The following AFF3 variants were observed in gnomAD, a reference collection of about 807,000 sequenced individuals.
AFF3 encodes AF4/FMR2 family member 3.
Under a neutral mutation model 129.7 loss-of-function variants are expected in AFF3, and 32 were observed. That is an observed-to-expected ratio of 0.25 (90% confidence interval 0.19 to 0.33). AFF3 has a LOEUF of 0.33. AFF3 is among the 10% of genes least tolerant of loss of function. The pLI is 1.00. For synonymous variants in AFF3, 644 were observed against 635.4 expected (o/e 1.01, Z -0.20); for missense variants, 1,373 against 1,592.0 (o/e 0.86, Z 2.34).
chr2:99,869,842 T>A (rs1691736227), intron 7 of AFF3, among the ~76,000 whole-genome samples: 1 of 152,144 alleles, frequency 6.6e-6, no homozygotes, highest in African/African-American at 2.4e-5. Flanking sequence ...ATCCTGCTCT[T>A]CTCTGGGAGC....
chr2:99,610,985 C>T (rs953382181), intron 13 of AFF3, among the ~76,000 whole-genome samples: 33 of 152,186 alleles, frequency 2.2e-4, no homozygotes, highest in African/African-American at 7.7e-4. Flanking sequence ...TTCTCTACCC[C>T]CCAGTCTGTT....
intron 14 of AFF3, among the ~76,000 whole-genome samples, chr2:99,596,023 G>A (rs1193310288): frequency 2.6e-5 from 4 of 152,222 alleles, no homozygotes; most frequent in South Asian, 2.1e-4. Flanking sequence ...GTGAGGATGC[G>A]GAAGCCCATC....
In AFF3 at chr2:100,006,653, G is replaced by C. The variant is rs771906396; in HGVS notation, c.852C>G (p.Phe284Leu). 1 of 1,609,092 alleles carries C rather than the reference G, an allele frequency of 6.2e-7. No individual in the cohort carries two copies. The highest frequency in any genetic ancestry group is 1.1e-5 in the South Asian group (1 of 90,992). ...PARAKAKLSK[F>L]SIPKQGEESR... ...TCACCTCCCCCTGCTTGGGGATGCTGAACTTGGAGAGCTTGGCCTTGGCTC... is the reference window on the plus strand; with the variant it reads ...TCACCTCCCCCTGCTTGGGGATGCTCAACTTGGAGAGCTTGGCCTTGGCTC... The change falls in exon 7 of 25, where the codon TTC becomes TTG. Residue 284 changes from phenylalanine to leucine, a missense_variant. Phe to Leu is a conservative substitution (Grantham distance 22). Around this residue, in one of 9 missense-constraint regions of AFF3, gnomAD observed 413 missense variants for 424.4 expected, o/e 0.97. Transcript: ENST00000672756.
At chr2:99,663,227 T>C (rs1010992412) in intron 12 of AFF3, among the ~76,000 whole-genome samples, 1 of 152,196 alleles carries the variant, frequency 6.6e-6, no homozygotes, top group African/African-American at 2.4e-5. Context: ...CAATCTGCTT[T>C]TAAGAGTACA....
chr2:99,570,295 T>C (rs1676355716), intron 18 of AFF3, among the ~76,000 whole-genome samples: 1 of 152,242 alleles, frequency 6.6e-6, no homozygotes. Flanking sequence ...AGAATGTCCA[T>C]ATATTGTCTG....
chr2:100,001,524 G>A (rs1681416005), intron 7 of AFF3, among the ~76,000 whole-genome samples: 1 of 152,198 alleles, frequency 6.6e-6, no homozygotes, highest in African/African-American at 2.4e-5. Flanking sequence ...TGCATCCCGA[G>A]TTCAGGCAAT....
intron 4 of AFF3, among the ~76,000 whole-genome samples, chr2:100,040,030 C>T (rs1036841892): frequency 6.6e-6 from 1 of 152,122 alleles, no homozygotes; most frequent in Non-Finnish European, 1.5e-5. Flanking sequence ...CTCAGCCTTG[C>T]AATCATCTGC....
intron 8 of AFF3, among the ~76,000 whole-genome samples, chr2:99,833,103 G>A (rs932303185): frequency 5.9e-5 from 9 of 152,150 alleles, no homozygotes; most frequent in Admixed American, 3.9e-4. Flanking sequence ...TCATTTGATT[G>A]ACATTTGTGA....
intron 11 of AFF3, among the ~76,000 whole-genome samples, chr2:99,700,123 C>CT (rs34691450): frequency 4.7e-4 from 68 of 144,024 alleles, no homozygotes; most frequent in Non-Finnish European, 4.9e-4. Flanking sequence ...TCAAAGCCTC[C>CT]TTTTTTTTTT....
chr2:99,589,537 G>T (rs545355923), intron 15 of AFF3, among the ~76,000 whole-genome samples: 1 of 151,942 alleles, frequency 6.6e-6, no homozygotes, highest in South Asian at 2.1e-4. Context: ...GAGTAGCTGG[G>T]ATTACAGGCA....
intron 7 of AFF3, among the ~76,000 whole-genome samples, chr2:99,961,902 AC>A (rs1677255029): frequency 6.6e-6 from 1 of 152,102 alleles, no homozygotes; most frequent in Admixed American, 6.5e-5. Flanking sequence ...TAGATCAATC[AC>A]CCCACTGAAA....
intron 7 of AFF3, among the ~76,000 whole-genome samples, chr2:99,923,673 C>T (rs940669655): frequency 2.6e-5 from 4 of 151,888 alleles, no homozygotes; most frequent in African/African-American, 9.7e-5. Flanking sequence ...CGTTCTTTTC[C>T]AATAAAAATT....
At chr2:99,620,556 G>A (rs1012750655) in intron 13 of AFF3, among the ~76,000 whole-genome samples, 1 of 152,184 alleles carries the variant, frequency 6.6e-6, no homozygotes, top group African/African-American at 2.4e-5. Flanking sequence ...TGAGCCAAAG[G>A]AGTTAGAGGT....
intron 2 of AFF3, among the ~76,000 whole-genome samples, chr2:100,120,585 C>G (rs547507200): frequency 2.0e-4 from 30 of 151,968 alleles, no homozygotes; most frequent in Non-Finnish European, 3.2e-4. Flanking sequence ...AAGAAATTCT[C>G]CCCTTAACTT....
At chr2:99,589,851 G>C (rs59513671) in intron 15 of AFF3, among the ~76,000 whole-genome samples, 8,195 of 152,246 alleles carry the variant, frequency 0.054, 711 homozygotes, top group African/African-American at 0.18. Flanking sequence ...AGCAGGAAAA[G>C]AGTGATGTTA....
intron 24 of AFF3, among the ~76,000 whole-genome samples, chr2:99,553,918 C>CAAAAAAAAAAAAAAAAAAAAAAAAAAA (rs61326965): frequency 1.8e-5 from 1 of 56,966 alleles, no homozygotes; most frequent in African/African-American, 6.8e-5. Context: ...TGTCTCAAAC[C>CAAAAAAAAAAAAAAAAAAAAAAAAAAA]AAAAAAAAAA....
rs116817631 is a variant in AFF3 at position 99,748,502 on chromosome 2, G to T, written c.1002+3719C>A. Among the ~76,000 whole-genome samples, 474 of 152,238 alleles carry T rather than the reference G, an allele frequency of 3.1e-3. 5 individuals carry two copies. The highest frequency in any genetic ancestry group is 4.9e-3 in the Non-Finnish European group (334 of 68,012). On this transcript the variant is annotated intron_variant, in intron 9 of 24. Transcript: ENST00000672756. ...AGAGCCCAAGGCTGAAAGTGATGTG[G>T]TGACTGCCACTCCCAATACTTCCAG...
intron 9 of AFF3, among the ~76,000 whole-genome samples, chr2:99,748,745 T>C (rs1346963921): frequency 6.6e-6 from 1 of 152,218 alleles, no homozygotes; most frequent in Non-Finnish European, 1.5e-5. Flanking sequence ...AAAAAAAGTA[T>C]AAGTGACAAT....
chr2:99,974,689 C>T (rs566954223), intron 7 of AFF3, among the ~76,000 whole-genome samples: 1 of 152,178 alleles, frequency 6.6e-6, no homozygotes, highest in Non-Finnish European at 1.5e-5. Flanking sequence ...AGGGTCTCTT[C>T]TGAGTGTGGA....
Sources: allele counts gnomAD v4.1 joint callset (sites outside exome capture counted in the v4.1 genomes callset), GRCh38; gene constraint gnomAD v4.1.1; regional missense constraint gnomAD v4.1.1; transcripts MANE v1.5; gene names NCBI Gene and HGNC (gene_info 2026-07-23, HGNC 2026-07-21).